HMGB1: variants seen among roughly 807,000 people sequenced by gnomAD.
HMGB1 encodes high mobility group protein B1.
For synonymous variants in HMGB1, 81 were observed against 84.0 expected (o/e 0.96, Z 0.19); for missense variants, 79 against 253.5 (o/e 0.31, Z 4.67).
At chr13:30,553,570 T>C in intron 1 of HMGB1, 1 of 533,780 alleles carries the variant, frequency 1.9e-6, no homozygotes, top group Non-Finnish European at 3.4e-6. Flanking sequence ...ACAACTTCCT[T>C]GAGTAATGAT....
At chr13:30,494,190 G>A (rs1277592553) in intron 1 of HMGB1, among the ~76,000 whole-genome samples, 1 of 152,058 alleles carries the variant, frequency 6.6e-6, no homozygotes, top group Admixed American at 6.5e-5. Flanking sequence ...CTTGGCTAAT[G>A]GCCTCATCAT....
Position 30,559,155 on chromosome 13 carries a change from G to A in HMGB1, c.-15+57516C>T, listed in dbSNP as rs977672022. On this transcript the variant is annotated intron_variant, in intron 1 of 4. Transcript: ENST00000405805. This position sits in a 1 kb window ranked among gnomAD's most constrained non-coding sequence, Gnocchi z 6.6. The stretch of plus-strand genomic sequence containing the variant: ...ACATTGCCAAATGTACCTGGGGTGG[G>A]GGGTGCGGGTGGAGGAAAAATTGCC... Among the ~76,000 whole-genome samples the A allele has an allele frequency of 6.6e-6, 1 of 152,084 alleles. No individual in the cohort carries two copies. Among genetic ancestry groups the A allele is most frequent in the Non-Finnish European group, 1.5e-5 (1 of 68,006 alleles).
chr13:30,580,072 T>C, intron 1 of HMGB1, among the ~76,000 whole-genome samples: 1 of 152,236 alleles, frequency 6.6e-6, no homozygotes, highest in Admixed American at 6.5e-5. Flanking sequence ...CACAACTTTA[T>C]TTCTGATACA....
intron 1 of HMGB1, among the ~76,000 whole-genome samples, chr13:30,492,718 C>A (rs767249008): frequency 2.0e-5 from 3 of 152,064 alleles, no homozygotes; most frequent in Non-Finnish European, 4.4e-5. Context: ...TGGCCGGGCA[C>A]GCTGGCTCAT....
At chr13:30,526,028 T>C (rs1043599504) in intron 1 of HMGB1, among the ~76,000 whole-genome samples, 2 of 152,080 alleles carry the variant, frequency 1.3e-5, no homozygotes, top group Admixed American at 6.5e-5. Context: ...GAAGGCAATA[T>C]GCAACATTAA....
chr13:30,488,755 G>A (rs1363591520), intron 1 of HMGB1, among the ~76,000 whole-genome samples: 1 of 151,144 alleles, frequency 6.6e-6, no homozygotes, highest in Admixed American at 6.6e-5. Flanking sequence ...CTGGGCTCAA[G>A]AGATCCTCCT....
chr13:30,614,588 G>A (rs1458530797), intron 1 of HMGB1, among the ~76,000 whole-genome samples: 1 of 152,226 alleles, frequency 6.6e-6, no homozygotes, highest in Non-Finnish European at 1.5e-5. Context: ...GATGGGATTA[G>A]ATGTCAGATA....
At chr13:30,501,961 T>C (rs912624920) in intron 1 of HMGB1, among the ~76,000 whole-genome samples, 1 of 152,178 alleles carries the variant, frequency 6.6e-6, no homozygotes, top group Non-Finnish European at 1.5e-5. Flanking sequence ...TTATAGCAGA[T>C]TGATTAAAAG....
chr13:30,604,198 T>A lies in HMGB1; in HGVS notation c.-15+12473A>T, dbSNP rs372298695. Among the ~76,000 whole-genome samples, 20 of 152,204 alleles carry A rather than the reference T, an allele frequency of 1.3e-4. No homozygotes were observed. In the South Asian group the frequency reaches 1.5e-3, roughly 11 times the overall value. On this transcript the variant is annotated intron_variant, in intron 1 of 4. Coordinates refer to the HMGB1 transcript ENST00000405805. The stretch of plus-strand genomic sequence containing the variant: ...TGTAAATTGGTCAGGAAGGGATCTG[T>A]AGGCACTTACAGATTTGACGCTAAT...
At chr13:30,574,522 G>A (rs781205851) in intron 1 of HMGB1, among the ~76,000 whole-genome samples, 46 of 152,202 alleles carry the variant, frequency 3.0e-4, no homozygotes, top group Non-Finnish European at 6.0e-4. Flanking sequence ...ACTTTTAGCA[G>A]AATGCATTCA....
intron 1 of HMGB1, among the ~76,000 whole-genome samples, chr13:30,547,627 T>A (rs1374573272): frequency 6.6e-6 from 1 of 152,014 alleles, no homozygotes; most frequent in East Asian, 1.9e-4. Context: ...ACTTTAGATT[T>A]TTTTTTTTTT....
At chr13:30,516,355 T>G (rs1888101867) in intron 1 of HMGB1, among the ~76,000 whole-genome samples, 2 of 152,208 alleles carry the variant, frequency 1.3e-5, no homozygotes, top group Non-Finnish European at 1.5e-5. Context: ...TTCACTAATT[T>G]TTTTTTACTT....
chr13:30,507,946 A>G (rs1348018658), intron 1 of HMGB1, among the ~76,000 whole-genome samples: 1 of 152,186 alleles, frequency 6.6e-6, no homozygotes, highest in South Asian at 2.1e-4. Flanking sequence ...GCAGCGAGCT[A>G]TGACGGCACT....
chr13:30,466,305 C>CG (rs397744996), upstream of HMGB1, among the ~76,000 whole-genome samples: 2 of 151,600 alleles, frequency 1.3e-5, no homozygotes, highest in African/African-American at 4.8e-5. Context: ...CTCCCCCCCC[C>CG]TTCTTGCCCC....
At chr13:30,483,799 A>C (rs757402341) in intron 1 of HMGB1, among the ~76,000 whole-genome samples, 7 of 151,872 alleles carry the variant, frequency 4.6e-5, no homozygotes, top group Non-Finnish European at 1.0e-4. Context: ...TTTTTTGTAG[A>C]GATGGTGTCT....
At chr13:30,602,468 G>A (rs1489971200) in intron 1 of HMGB1, among the ~76,000 whole-genome samples, 3 of 152,158 alleles carry the variant, frequency 2.0e-5, no homozygotes, top group East Asian at 1.9e-4. Context: ...ATTACAGTTC[G>A]ACTAAAAACA....
chr13:30,601,373 C>T (rs1950398417), intron 1 of HMGB1, among the ~76,000 whole-genome samples: 1 of 152,152 alleles, frequency 6.6e-6, no homozygotes, highest in Admixed American at 6.5e-5. Flanking sequence ...TGAAAGAAAC[C>T]CTACCTGGTT....
chr13:30,617,028 G>A (rs1475785966), exon 1 of HMGB1: 1 of 152,204 alleles, frequency 6.6e-6, no homozygotes, highest in African/African-American at 2.4e-5. Flanking sequence ...CGGTCACGAT[G>A]TCCCTTAAGC....
intron 1 of HMGB1, among the ~76,000 whole-genome samples, chr13:30,520,152 T>A (rs1888204465): frequency 6.6e-6 from 1 of 151,856 alleles, no homozygotes; most frequent in Non-Finnish European, 1.5e-5. Flanking sequence ...TGAAACCCCA[T>A]CTCTACTAAA....
Sources: gnomAD v4.1 joint callset for allele counts (sites outside exome capture counted in the v4.1 genomes callset) on GRCh38, gnomAD v4.1.1 for gene constraint, Gnocchi (gnomAD v3.1) non-coding constraint, MANE v1.5 for transcripts, NCBI Gene and HGNC (gene_info 2026-07-23, HGNC 2026-07-21) for gene names.